Variants in IQSEC2 observed in about 807,000 individuals in gnomAD.
IQSEC2 encodes the protein IQ motif and SEC7 domain-containing protein 2.
In IQSEC2, 6 loss-of-function variants were observed where a neutral mutation model predicts 74.6. The observed-to-expected ratio is 0.08, with a 90% CI of 0.04 to 0.16. IQSEC2 has a LOEUF of 0.16. IQSEC2 is among the 10% of genes least tolerant of loss of function. The probability of loss-of-function intolerance (pLI) is 1.00; values close to 1 mark genes in which losing one functional copy is unlikely to be tolerated. For missense variants in IQSEC2, 734 were observed against 1,306.2 expected, an observed-to-expected ratio of 0.56 and a Z score of 6.75; for synonymous variants, 494 against 544.5, an observed-to-expected ratio of 0.91 and a Z score of 1.29.
chrX:53,276,184 C>T (rs1556869526), intron 2 of IQSEC2, among the ~76,000 whole-genome samples: 1 of 112,171 alleles, frequency 8.9e-6, no homozygotes, highest in Non-Finnish European at 1.9e-5. Flanking sequence ...TCTTCTCATC[C>T]AAGAACAAGA....
rs782456878 is a variant in IQSEC2 at position 53,307,587 on chromosome X, G to A, written c.707+12830C>T. Among the ~76,000 whole-genome samples the A allele has an allele frequency of 1.0e-4, 11 of 109,984 alleles. No homozygotes were observed. The East Asian group carries it at 2.0e-3, about 20-fold the overall frequency. On this transcript the variant is annotated intron_variant, in intron 1 of 14. Coordinates refer to ENST00000642864, the MANE Select transcript of IQSEC2 (RefSeq NM_001111125.3). ...CAAACAAGAAAACAGAGCAAATTAA[G>A]GGAAGGGAATGATCAAAGAAATAAC...
chrX:53,319,993 G>GAAA (rs1352354372), intron 1 of IQSEC2, among the ~76,000 whole-genome samples: 62 of 24,607 alleles, frequency 2.5e-3, no homozygotes, highest in African/African-American at 8.1e-3. Context: ...AAAGAAAAAG[G>GAAA]AAAAAAAAAA....
rs979592092 is a variant in IQSEC2, at chrX:53,270,912, C to T, written c.738-14851G>A. The stretch of plus-strand genomic sequence containing the variant: ...CATCTCCTCGGCTCTATGCCCACGA[C>T]CTTGGCTTCTCTCTCCCTTGGATTA... On this transcript the variant is annotated intron_variant, in intron 2 of 14. Transcript: ENST00000642864. 2.7e-5 allele frequency among the ~76,000 whole-genome samples: 3 copies of T among 111,395 alleles called. No homozygotes were observed. In the Admixed American group the frequency reaches 2.9e-4, roughly 11 times the overall value.
intron 2 of IQSEC2, among the ~76,000 whole-genome samples, chrX:53,266,159 A>C (rs907308863): frequency 9.9e-5 from 11 of 111,508 alleles, no homozygotes; most frequent in Non-Finnish European, 2.1e-4. Flanking sequence ...CCGTGTTGGG[A>C]GTCATTCATG....
chrX:53,312,075 AAAAC>A, intron 1 of IQSEC2, among the ~76,000 whole-genome samples: 1 of 111,497 alleles, frequency 9.0e-6, no homozygotes, highest in South Asian at 3.8e-4. Context: ...ATAAAAAAAC[AAAAC>A]AAACAAACAA....
chrX:53,235,696 G>C, intron 14 of IQSEC2, 87 bp downstream of exon 14: 1 of 994,521 alleles, frequency 1.0e-6, no homozygotes, highest in Non-Finnish European at 1.4e-6. Context: ...GGGAAGAGGG[G>C]GAGCAACAGG....
chrX:53,287,576 A>G (rs782598802), intron 2 of IQSEC2, among the ~76,000 whole-genome samples: 5 of 113,190 alleles, frequency 4.4e-5, no homozygotes, highest in African/African-American at 1.6e-4. Flanking sequence ...ACCCACATGC[A>G]TAAACACAGA....
rs2074393694 is a variant in IQSEC2, at chrX:53,251,647, T to C, written c.1402-473A>G. ...GGTATCCAGACTCTAAACTGGCCGCTAATGATCCCTGCCTCCTGGTATTCA... is the reference window on the plus strand; with the variant it reads ...GGTATCCAGACTCTAAACTGGCCGCCAATGATCCCTGCCTCCTGGTATTCA... On this transcript the variant is annotated intron_variant, in intron 4 of 14. Transcript: ENST00000642864. Among the ~76,000 whole-genome samples, 4 of 112,274 alleles carry C rather than the reference T, an allele frequency of 3.6e-5. No individual in the cohort carries two copies. The Admixed American group carries it at 3.7e-4, about 11-fold the overall frequency.
intron 2 of IQSEC2, among the ~76,000 whole-genome samples, chrX:53,270,043 T>C (rs140318855): frequency 0.014 from 1,500 of 110,658 alleles, 28 homozygotes; most frequent in African/African-American, 0.047. Flanking sequence ...ACTTCAGGTG[T>C]AGATCCCTCT....
At chrX:53,287,709 G>GAGGCAAGGGGAGGGGAAGAGAGAGA in intron 2 of IQSEC2, among the ~76,000 whole-genome samples, 1 of 112,637 alleles carries the variant, frequency 8.9e-6, no homozygotes, top group African/African-American at 3.2e-5. Context: ...AGAGGGGACA[G>GAGGCAAGGGGAGGGGAAGAGAGAGA]AGGCAAGGGG....
At chrX:53,242,829 G>A (rs905880489) in intron 9 of IQSEC2, among the ~76,000 whole-genome samples, 2 of 111,447 alleles carry the variant, frequency 1.8e-5, no homozygotes, top group African/African-American at 3.3e-5. Flanking sequence ...TCCGCCTCCC[G>A]GGTTCAAGCA....
chrX:53,296,582 A>T (rs1338991841), intron 1 of IQSEC2, among the ~76,000 whole-genome samples: 1 of 110,577 alleles, frequency 9.0e-6, no homozygotes, highest in Non-Finnish European at 1.9e-5. Context: ...TTTGTTTGAG[A>T]CGGAGCCTCA....
chrX:53,273,842 C>T (rs146088702), intron 2 of IQSEC2, among the ~76,000 whole-genome samples: 1,210 of 112,185 alleles, frequency 0.011, 16 homozygotes, highest in African/African-American at 0.037. Context: ...CTATTCCCTA[C>T]TGATAGACAT....
chrX:53,266,078 C>T (rs2074651428), intron 2 of IQSEC2, among the ~76,000 whole-genome samples: 1 of 112,165 alleles, frequency 8.9e-6, no homozygotes, highest in African/African-American at 3.2e-5. Context: ...TCATTGGAGA[C>T]CCTCTAATCC....
Position 53,250,888 on chromosome X carries a change from C to T in IQSEC2, c.1688G>A (p.Arg563Gln), listed in dbSNP as rs1556863321. 4 of 1,210,025 alleles carry T rather than the reference C, an allele frequency of 3.3e-6. No homozygotes were observed. Among genetic ancestry groups the T allele is most frequent in the Non-Finnish European group, 4.5e-6 (4 of 893,950 alleles). Residue 563 changes from arginine (R) to glutamine (Q), a missense_variant, in exon 5 of 15, where the codon CGG becomes CAG. Arg to Gln is a conservative substitution (Grantham distance 43). This residue lies in a region of IQSEC2 where 204 missense variants were observed against 305.4 expected (regional missense o/e 0.67). Transcript: ENST00000642864. ...PVPPPVPSGT[R>Q]EDGSREEGTR... ...GCCTTCCTCACGGCTACCGTCTTCC[C>T]GGGTTCCTGATGGCACTGGTGGAGG...
At position 53,277,536 on chromosome X, in the gene IQSEC2, A is replaced by G. The variant is rs1291881931; in HGVS notation, c.737+14359T>C. On this transcript the variant is annotated intron_variant, in intron 2 of 14. Transcript: ENST00000642864. ...GCCCGGCCACTTTGACCATCTTTTAAGTTTCTTCCCTACTTTTCCATTTTA... is the reference window on the plus strand; with the variant it reads ...GCCCGGCCACTTTGACCATCTTTTAGGTTTCTTCCCTACTTTTCCATTTTA... Among the ~76,000 whole-genome samples, 11 of 108,686 alleles carry G rather than the reference A, an allele frequency of 1.0e-4. No homozygotes were observed. In the South Asian group the frequency reaches 1.2e-3, roughly 12 times the overall value. The allele number at this position is 108,686 out of a possible 115,157, so 94.4% of individuals were successfully genotyped here. A position where few individuals can be genotyped will look rare whatever the true frequency, so the allele number is the denominator to read the frequency against.
chrX:53,295,360 T>C (rs782067774), intron 1 of IQSEC2, among the ~76,000 whole-genome samples: 103 of 110,958 alleles, frequency 9.3e-4, no homozygotes, highest in African/African-American at 3.3e-3. Flanking sequence ...ATCCCAGCAC[T>C]TTGGGAGGCC....
At chrX:53,314,826 G>A (rs1428601526) in intron 1 of IQSEC2, among the ~76,000 whole-genome samples, 7 of 111,598 alleles carry the variant, frequency 6.3e-5, no homozygotes, top group Non-Finnish European at 1.9e-5. Flanking sequence ...TTGATGGAGA[G>A]AGAGCAGGAG....
At chrX:53,299,522 G>A (rs1350342303) in intron 1 of IQSEC2, among the ~76,000 whole-genome samples, 1 of 111,445 alleles carries the variant, frequency 9.0e-6, no homozygotes, top group Admixed American at 9.5e-5. Context: ...GGAGTTGAAG[G>A]AGGTTGGAGT....
Sources: gnomAD v4.1 joint callset for allele counts (sites outside exome capture counted in the v4.1 genomes callset) on GRCh38, gnomAD v4.1.1 for gene constraint, gnomAD v4.1.1 regional missense constraint, MANE v1.5 for transcripts, NCBI Gene and HGNC (gene_info 2026-07-23, HGNC 2026-07-21) for gene names.